PLA2G2D: variants seen among roughly 807,000 people sequenced by gnomAD.
PLA2G2D encodes the protein phospholipase A2 group IID.
A neutral mutation model predicts 13.9 loss-of-function variants in PLA2G2D; 17 were observed. The observed-to-expected ratio is 1.23, with a 90% CI of 0.84 to 1.84. PLA2G2D has a LOEUF of 1.84. Among genes scored for constraint, PLA2G2D ranks in the 40% most tolerant of loss-of-function variants. The probability of loss-of-function intolerance (pLI) is 0.00; values close to 1 mark genes in which losing one functional copy is unlikely to be tolerated. For missense variants in PLA2G2D, 194 were observed against 178.7 expected (o/e 1.09, Z -0.49); for synonymous variants, 83 against 69.3 (o/e 1.20, Z -0.98).
rs1343385636 is a variant in PLA2G2D at position 20,112,712 on chromosome 1, A to G, written c.*1402T>C. Reference sequence around the variant, plus strand: ...GAGAAACCTGTGAGGGAACCAGGAAAACTGGATAGGCCAAGGGGTCAGACC... The same window carrying G: ...GAGAAACCTGTGAGGGAACCAGGAAGACTGGATAGGCCAAGGGGTCAGACC... On this transcript the variant is annotated 3_prime_UTR_variant, in exon 4 of 4. Transcript: ENST00000375105. The G allele has an allele frequency of 6.6e-6, 1 of 152,188 alleles. No individual in the cohort carries two copies. The highest frequency in any genetic ancestry group is 1.5e-5 in the Non-Finnish European group (1 of 68,048). The allele number at this position is 152,188 out of a possible 1,614,324, so 9.4% of individuals were successfully genotyped here.
chr1:20,116,366 C>T lies in PLA2G2D; in HGVS notation c.152G>A (p.Gly51Asp). 1 of 1,614,242 alleles carries T rather than the reference C, an allele frequency of 6.2e-7. No homozygotes were observed. Among genetic ancestry groups the T allele is most frequent in the African/African-American group, 1.3e-5 (1 of 75,062 alleles). The change falls in exon 2 of 4, where the codon GGT becomes GAT. Residue 51 changes from glycine (G) to aspartate (D), a missense_variant. By Grantham distance (94) the Gly-to-Asp change is moderately conservative. Coordinates refer to ENST00000375105, the MANE Select transcript of PLA2G2D (RefSeq NM_012400.4). ...GGCATCTTTGGGTTGGCCTCTGCCACCTAGTCCGCAGTGACAGCCGTAGGG... is the reference window on the plus strand; with the variant it reads ...GGCATCTTTGGGTTGGCCTCTGCCATCTAGTCCGCAGTGACAGCCGTAGGG... ...YWPYGCHCGL[G>D]GRGQPKDATD...
chr1:20,115,413 A>G (rs1336590918), intron 3 of PLA2G2D, 94 bp downstream of exon 3: 2 of 780,434 alleles, frequency 2.6e-6, no homozygotes, highest in East Asian at 2.5e-5. Context: ...CAAAAAAAAA[A>G]CAGAGAGGTC....
rs772929622 is a variant in PLA2G2D at position 20,119,501 on chromosome 1, T to C, written c.-3A>G. 1.2e-6 allele frequency: 2 copies of C among 1,613,780 alleles called. No individual in the cohort carries two copies. Among genetic ancestry groups the C allele is most frequent in the South Asian group, 2.2e-5 (2 of 91,066 alleles). Reference sequence around the variant, plus strand: ...CCACACAGCAGTGCAAGTTCCATGATCCCAGCACAGAGCAGTGGAGGCAGA... The same window carrying C: ...CCACACAGCAGTGCAAGTTCCATGACCCCAGCACAGAGCAGTGGAGGCAGA... On this transcript the variant is annotated 5_prime_UTR_variant, in exon 1 of 4. Coordinates refer to ENST00000375105, the MANE Select transcript of PLA2G2D (RefSeq NM_012400.4).
chr1:20,114,983 G>T (rs1450820174), intron 3 of PLA2G2D, among the ~76,000 whole-genome samples: 1 of 152,178 alleles, frequency 6.6e-6, no homozygotes, highest in African/African-American at 2.4e-5. Flanking sequence ...GTAGGGGCCA[G>T]GTGCCCTGGG....
intron 3 of PLA2G2D, 59 bp downstream of exon 3, chr1:20,115,448 G>T: frequency 3.1e-6 from 3 of 960,816 alleles, no homozygotes; most frequent in Non-Finnish European, 5.1e-6. Context: ...TGAAGGCAGT[G>T]GGGGCCAGAT....
chr1:20,118,686 G>A (rs1340072648), intron 1 of PLA2G2D, among the ~76,000 whole-genome samples: 1 of 152,218 alleles, frequency 6.6e-6, no homozygotes, highest in Non-Finnish European at 1.5e-5. Flanking sequence ...GAAAGGTTTG[G>A]TGATTTGGCT....
At chr1:20,119,361 G>A (rs2017047526) in intron 1 of PLA2G2D, 98 bp downstream of exon 1, 3 of 1,071,310 alleles carry the variant, frequency 2.8e-6, no homozygotes, top group African/African-American at 1.5e-5. Context: ...CAGGCTCCTG[G>A]GGATCAGAGC....
intron 2 of PLA2G2D, 73 bp downstream of exon 2, chr1:20,116,260 G>T: frequency 7.0e-7 from 1 of 1,428,188 alleles, no homozygotes. Context: ...TAAATGAACA[G>T]GTGGGTGGAG....
chr1:20,114,292 T>C (rs776107494), intron 3 of PLA2G2D, 33 bp from the exon 4 acceptor site: 2 of 1,598,362 alleles, frequency 1.3e-6, no homozygotes, highest in East Asian at 2.2e-5. Context: ...TATGTGTTTG[T>C]CCTTTTCCGA....
At chr1:20,116,991 T>C (rs1267634664) in intron 1 of PLA2G2D, among the ~76,000 whole-genome samples, 1 of 152,034 alleles carries the variant, frequency 6.6e-6, no homozygotes, top group African/African-American at 2.4e-5. Context: ...ACTGAGTGCT[T>C]ACTATAGGTC....
chr1:20,115,940 G>A (rs1286413988), intron 2 of PLA2G2D, among the ~76,000 whole-genome samples: 3 of 152,170 alleles, frequency 2.0e-5, no homozygotes, highest in Non-Finnish European at 2.9e-5. Flanking sequence ...GTGGCAGATC[G>A]TGGCAGTGTC....
intron 1 of PLA2G2D, 58 bp from the exon 2 acceptor site, chr1:20,116,535 A>G (rs2016995155): frequency 2.5e-6 from 4 of 1,570,958 alleles, no homozygotes; most frequent in African/African-American, 1.3e-5. Flanking sequence ...GGCAGCGCCA[A>G]TGGGCACAGG....
chr1:20,116,328 G>A lies in PLA2G2D; in HGVS notation c.185+5C>T. 6.2e-7 allele frequency: 1 copy of A among 1,614,046 alleles called. No individual in the cohort carries two copies. On this transcript the variant is annotated splice_donor_5th_base_variant and intron_variant, in intron 2 of 3. Coordinates refer to ENST00000375105, the MANE Select transcript of PLA2G2D (RefSeq NM_012400.4). ...TAGGATTGCCAGCCCTGAGAAAGGA[G>A]TTACCAGTCCGTGGCATCTTTGGGT... is the stretch of plus-strand genomic sequence containing the variant.
intron 2 of PLA2G2D, among the ~76,000 whole-genome samples, 194 bp from the exon 3 acceptor site, chr1:20,115,807 C>G (rs1309943483): frequency 6.6e-6 from 1 of 152,218 alleles, no homozygotes; most frequent in Non-Finnish European, 1.5e-5. Flanking sequence ...TTTATCTATG[C>G]ATTCTCTCTT....
At chr1:20,114,359 C>T (rs936402344) in intron 3 of PLA2G2D, 100 bp from the exon 4 acceptor site, 3 of 1,265,428 alleles carry the variant, frequency 2.4e-6, no homozygotes, top group East Asian at 2.5e-5. Flanking sequence ...CCTACTCAGT[C>T]GTAGAGGTAC....
At position 20,114,059 on chromosome 1, in the gene PLA2G2D, T is replaced by C. The variant is rs368897965; in HGVS notation, c.*55A>G. The C allele has an allele frequency of 6.4e-7, 1 of 1,555,292 alleles. No individual in the cohort carries two copies. Among genetic ancestry groups the C allele is most frequent in the Admixed American group, 1.8e-5 (1 of 56,388 alleles). The stretch of plus-strand genomic sequence containing the variant: ...AGCCAGGCTGGTTCAGGTTAGATAC[T>C]GAGGTGGGGATGCCAGAGCTCCATG... On this transcript the variant is annotated 3_prime_UTR_variant, in exon 4 of 4. Coordinates refer to ENST00000375105, the MANE Select transcript of PLA2G2D (RefSeq NM_012400.4).
At chr1:20,119,386 C>G (rs1450064277) in intron 1 of PLA2G2D, 73 bp downstream of exon 1, 1 of 1,313,664 alleles carries the variant, frequency 7.6e-7, no homozygotes, top group Non-Finnish European at 1.1e-6. Flanking sequence ...GCCCCCTAAT[C>G]TGGGAAAGAG....
intron 2 of PLA2G2D, among the ~76,000 whole-genome samples, chr1:20,116,066 T>C (rs2016983881): frequency 6.6e-6 from 1 of 152,012 alleles, no homozygotes; most frequent in South Asian, 2.1e-4. Flanking sequence ...CCAACGTCCA[T>C]TGCAGTGGGG....
chr1:20,114,148 C>T lies in PLA2G2D; in HGVS notation c.404G>A (p.Arg135Gln), dbSNP rs201515699. 7.9e-5 allele frequency: 128 copies of T among 1,613,618 alleles called. No homozygotes were observed. The highest frequency in any genetic ancestry group is 9.2e-5 in the Non-Finnish European group (109 of 1,179,950). ...AGGGGTCTGCCCCCGGCAGTGGGGC[C>T]GCCAGTAGAAACGCAGTCGCTTCTG... ...TYQKRLRFYW[R>Q]PHCRGQTPGC The change falls in exon 4 of 4, where the codon CGG becomes CAG. Residue 135 changes from arginine to glutamine, a missense_variant. Transcript: ENST00000375105.
Sources: gnomAD v4.1 joint callset for allele counts (sites outside exome capture counted in the v4.1 genomes callset) on GRCh38, gnomAD v4.1.1 for gene constraint, MANE v1.5 for transcripts, NCBI Gene and HGNC (gene_info 2026-07-23, HGNC 2026-07-21) for gene names.